Variants in CDH12 observed in about 807,000 individuals in gnomAD.
The protein encoded by CDH12 is cadherin-12.
Under a neutral mutation model 74.1 loss-of-function variants are expected in CDH12, and 41 were observed. The ratio of observed to expected loss-of-function variants is 0.55; its 90% CI spans 0.43 to 0.72. The LOEUF is 0.72. Among genes scored for constraint, CDH12 ranks in the 30% least tolerant of loss-of-function variants. The pLI, the probability that CDH12 is intolerant of heterozygous loss-of-function variation, is 0.00. For synonymous variants in CDH12, 399 were observed against 355.0 expected (o/e 1.12, Z -1.39); for missense variants, 945 against 977.2 (o/e 0.97, Z 0.44).
chr5:22,684,244 C>T (rs373894889), intron 1 of CDH12, among the ~76,000 whole-genome samples: 8 of 152,262 alleles, frequency 5.3e-5, no homozygotes, highest in African/African-American at 1.7e-4. Flanking sequence ...ATGCAATGCA[C>T]AGTTATCACA....
intron 1 of CDH12, among the ~76,000 whole-genome samples, chr5:22,811,313 C>T (rs1749138381): frequency 6.6e-6 from 1 of 152,222 alleles, no homozygotes; most frequent in East Asian, 1.9e-4. Flanking sequence ...TGATCATTTG[C>T]AAATCCCAAC....
intron 10 of CDH12, among the ~76,000 whole-genome samples, chr5:21,796,942 G>A (rs1002572511): frequency 1.6e-4 from 25 of 152,064 alleles, no homozygotes; most frequent in African/African-American, 6.0e-4. Context: ...AATTGTTTCT[G>A]TGAACTATAT....
intron 2 of CDH12, among the ~76,000 whole-genome samples, chr5:22,499,201 A>G (rs1348106770): frequency 1.3e-5 from 2 of 151,900 alleles, no homozygotes; most frequent in Non-Finnish European, 2.9e-5. Context: ...GGCATGACCC[A>G]CCGTGCTCAG....
chr5:22,715,103 A>G (rs778429735), intron 1 of CDH12, among the ~76,000 whole-genome samples: 3 of 152,176 alleles, frequency 2.0e-5, no homozygotes, highest in Non-Finnish European at 4.4e-5. Flanking sequence ...AGAGTGCCTG[A>G]ATTCCTCTTT....
chr5:22,398,765 T>C (rs998062837), intron 3 of CDH12, among the ~76,000 whole-genome samples: 4 of 152,108 alleles, frequency 2.6e-5, no homozygotes, highest in Non-Finnish European at 5.9e-5. Context: ...GGTTGTAGAA[T>C]TTCTTCTCTT....
At chr5:22,578,322 T>C (rs399805) in intron 1 of CDH12, among the ~76,000 whole-genome samples, 106,988 of 151,642 alleles carry the variant, frequency 0.71, 39,475 homozygotes, top group African/African-American at 0.92. Context: ...TGCGTCTAAA[T>C]CTGTAATATC....
At chr5:21,793,653 T>C (rs986877447) in intron 10 of CDH12, among the ~76,000 whole-genome samples, 1 of 151,678 alleles carries the variant, frequency 6.6e-6, no homozygotes, top group African/African-American at 2.4e-5. Context: ...GCTTACCATT[T>C]GAAACCTAAA....
intron 6 of CDH12, among the ~76,000 whole-genome samples, chr5:21,966,438 A>G (rs1431857665): frequency 1.3e-5 from 2 of 152,044 alleles, no homozygotes; most frequent in African/African-American, 4.8e-5. Flanking sequence ...ATAAAAACAG[A>G]TGATATGTTG....
At chr5:22,044,430 G>A (rs1206893402) in intron 5 of CDH12, among the ~76,000 whole-genome samples, 2 of 152,158 alleles carry the variant, frequency 1.3e-5, no homozygotes, top group Admixed American at 1.3e-4. Context: ...GGTGGCAGGA[G>A]AGAGAGAGCA....
At chr5:22,840,563 T>C (rs1737038218) in intron 1 of CDH12, among the ~76,000 whole-genome samples, 1 of 150,928 alleles carries the variant, frequency 6.6e-6, no homozygotes, top group Non-Finnish European at 1.5e-5. Context: ...ATTATACATA[T>C]AATCTGTTTA....
intron 2 of CDH12, among the ~76,000 whole-genome samples, chr5:22,414,416 A>T (rs1743295688): frequency 6.6e-6 from 1 of 151,964 alleles, no homozygotes; most frequent in African/African-American, 2.4e-5. Context: ...CAATATGTCA[A>T]AGTAAAATTT....
intron 1 of CDH12, among the ~76,000 whole-genome samples, chr5:22,685,277 G>T (rs766175102): frequency 2.0e-5 from 3 of 151,664 alleles, no homozygotes; most frequent in Admixed American, 2.0e-4. Flanking sequence ...TCGCCCTGTC[G>T]CCCAGTCTGG....
In CDH12 at chr5:22,710,189, T is replaced by C. The variant is rs1386543; in HGVS notation, c.-523+142869A>G. Among the ~76,000 whole-genome samples, 458 of 152,324 alleles carry C rather than the reference T, an allele frequency of 3.0e-3. 6 individuals are homozygous for C. Among genetic ancestry groups the C allele is most frequent in the African/African-American group, 0.01 (431 of 41,586 alleles). ...TTATTTCCTAAGTACAGAAATCAAATTGATTTCAAAAATACAAAGTGACCA... is the reference window on the plus strand; with the variant it reads ...TTATTTCCTAAGTACAGAAATCAAACTGATTTCAAAAATACAAAGTGACCA... On this transcript the variant is annotated intron_variant, in intron 1 of 14. Transcript: ENST00000382254.
chr5:22,355,930 C>T (rs1740547085), intron 3 of CDH12, among the ~76,000 whole-genome samples: 1 of 152,056 alleles, frequency 6.6e-6, no homozygotes, highest in Admixed American at 6.6e-5. Flanking sequence ...GTGGGTTATC[C>T]CACCATTTAA....
intron 7 of CDH12, among the ~76,000 whole-genome samples, chr5:21,853,649 T>A (rs964146464): frequency 6.6e-6 from 1 of 151,714 alleles, no homozygotes. Context: ...TATATCTAAT[T>A]CGTATACCAG....
At chr5:22,496,960 G>A (rs1004313045) in intron 2 of CDH12, among the ~76,000 whole-genome samples, 14 of 151,958 alleles carry the variant, frequency 9.2e-5, no homozygotes, top group African/African-American at 3.1e-4. Flanking sequence ...ATTGTGCCTG[G>A]GTCTGACTCC....
At chr5:22,513,765 G>T (rs1736701465) in intron 1 of CDH12, among the ~76,000 whole-genome samples, 1 of 151,870 alleles carries the variant, frequency 6.6e-6, no homozygotes, top group African/African-American at 2.4e-5. Flanking sequence ...AGCCAACACG[G>T]TGAAACCCCA....
chr5:22,770,784 T>C (rs1166919559), intron 1 of CDH12, among the ~76,000 whole-genome samples: 1 of 152,260 alleles, frequency 6.6e-6, no homozygotes, highest in Middle Eastern at 3.4e-3. Context: ...AATATTTGTG[T>C]TTCTTATAAA....
intron 5 of CDH12, among the ~76,000 whole-genome samples, chr5:22,062,568 C>A (rs1380650281): frequency 6.6e-6 from 1 of 152,020 alleles, no homozygotes; most frequent in Non-Finnish European, 1.5e-5. Context: ...AAGCAGAGAG[C>A]TAAAGATGAT....
Sources: gnomAD v4.1 joint callset for allele counts (sites outside exome capture counted in the v4.1 genomes callset) on GRCh38, gnomAD v4.1.1 for gene constraint, MANE v1.5 for transcripts, NCBI Gene and HGNC (gene_info 2026-07-23, HGNC 2026-07-21) for gene names.